The following IGSF5 variants were observed in gnomAD, a reference collection of about 807,000 sequenced individuals.
The protein encoded by IGSF5 is immunoglobulin superfamily 5 like.
IGSF5 carries 41 observed loss-of-function variants against 39.4 expected under a neutral mutation model. The observed-to-expected ratio is 1.04, with a 90% CI of 0.81 to 1.35. The LOEUF is 1.35. IGSF5 is among the 40% of genes most tolerant of loss of function. IGSF5 has a pLI of 0.00. For missense variants in IGSF5, 487 were observed against 494.6 expected (o/e 0.98, Z 0.15); for synonymous variants, 183 against 175.3 (o/e 1.04, Z -0.34).
At position 39,798,129 on chromosome 21, in the gene IGSF5, C is replaced by T. The variant is rs574156508; in HGVS notation, c.1129-3133C>T. Among the ~76,000 whole-genome samples the T allele has an allele frequency of 3.9e-5, 6 of 152,246 alleles. 1 individual carries two copies. In the South Asian group the frequency reaches 1.2e-3, roughly 32 times the overall value. On this transcript the variant is annotated intron_variant, in intron 8 of 8. Coordinates refer to ENST00000380588, the MANE Select transcript of IGSF5 (RefSeq NM_001080444.2). ...CCTCTAGACATCAGGACTCAGAGGG[C>T]TGAGGAGGTGTTTAAGCAGCTCTGC...
the IGSF5 span, among the ~76,000 whole-genome samples, chr21:39,723,045 A>C: frequency 6.6e-6 from 1 of 152,218 alleles, no homozygotes; most frequent in African/African-American, 2.4e-5. Context: ...TATGTAACAA[A>C]TTGCCGCAAA....
At chr21:39,716,167 C>T in the IGSF5 span, among the ~76,000 whole-genome samples, 1 of 152,196 alleles carries the variant, frequency 6.6e-6, no homozygotes, top group Non-Finnish European at 1.5e-5. Context: ...GAGGCATCAT[C>T]CAGCCTGAAA....
the IGSF5 span, among the ~76,000 whole-genome samples, chr21:39,736,616 A>G: frequency 6.6e-6 from 1 of 152,090 alleles, no homozygotes; most frequent in African/African-American, 2.4e-5. Flanking sequence ...CTCTTGCCCC[A>G]GTGTGGCCTC....
At chr21:39,755,099 G>A (rs1482651553) in intron 2 of IGSF5, among the ~76,000 whole-genome samples, 2 of 152,148 alleles carry the variant, frequency 1.3e-5, no homozygotes, top group African/African-American at 4.8e-5. Flanking sequence ...TCGGGGACTA[G>A]AAGTCTTTCC....
intron 5 of IGSF5, among the ~76,000 whole-genome samples, chr21:39,787,058 T>A (rs1028008773): frequency 6.6e-6 from 1 of 152,090 alleles, no homozygotes; most frequent in African/African-American, 2.4e-5. Context: ...TGTATACATA[T>A]GTAACTAACC....
At chr21:39,756,163 C>T (rs1404929146) in intron 2 of IGSF5, among the ~76,000 whole-genome samples, 3 of 152,180 alleles carry the variant, frequency 2.0e-5, no homozygotes, top group Admixed American at 6.5e-5. Flanking sequence ...TTAGTGCACA[C>T]GTTGAATTTT....
At chr21:39,717,225 A>G in the IGSF5 span, among the ~76,000 whole-genome samples, 2 of 152,182 alleles carry the variant, frequency 1.3e-5, no homozygotes, top group African/African-American at 2.4e-5. Flanking sequence ...TAAGTTCCTT[A>G]CAGATGCTGG....
chr21:39,729,327 G>A, the IGSF5 span: 1 of 152,268 alleles, frequency 6.6e-6, no homozygotes, highest in Non-Finnish European at 1.5e-5. Context: ...CCACTGATCA[G>A]AATTTCCACC....
the IGSF5 span, among the ~76,000 whole-genome samples, chr21:39,720,314 A>G: frequency 6.6e-6 from 1 of 152,188 alleles, no homozygotes; most frequent in Non-Finnish European, 1.5e-5. Context: ...TGGAGTGGCT[A>G]TAAATACAGA....
chr21:39,782,229 T>C (rs1179321334), intron 5 of IGSF5, among the ~76,000 whole-genome samples: 2 of 152,168 alleles, frequency 1.3e-5, no homozygotes, highest in Non-Finnish European at 2.9e-5. Context: ...GTTTTAATTA[T>C]AGAAGTTTTA....
At chr21:39,780,400 C>T (rs965495470) in intron 5 of IGSF5, among the ~76,000 whole-genome samples, 3 of 152,118 alleles carry the variant, frequency 2.0e-5, no homozygotes, top group African/African-American at 7.2e-5. Flanking sequence ...CAGTGCCTTT[C>T]TCACCAAAGA....
At chr21:39,770,235 T>C (rs779467107) in intron 3 of IGSF5, among the ~76,000 whole-genome samples, 2 of 151,934 alleles carry the variant, frequency 1.3e-5, no homozygotes, top group Non-Finnish European at 2.9e-5. Flanking sequence ...ATATGGGTTG[T>C]TTGCAGTATG....
At chr21:39,726,796 AC>A in the IGSF5 span, among the ~76,000 whole-genome samples, 2 of 152,184 alleles carry the variant, frequency 1.3e-5, no homozygotes, top group African/African-American at 4.8e-5. Flanking sequence ...AGGAGGAATG[AC>A]ATCTCAAACA....
chr21:39,770,420 C>T (rs1359018321), intron 3 of IGSF5, among the ~76,000 whole-genome samples: 1 of 151,890 alleles, frequency 6.6e-6, no homozygotes, highest in Non-Finnish European at 1.5e-5. Context: ...ACCATATGAC[C>T]CTAGAAATAA....
At chr21:39,748,796 G>C (rs2146269881) in intron 2 of IGSF5, among the ~76,000 whole-genome samples, 1 of 132,174 alleles carries the variant, frequency 7.6e-6, no homozygotes, top group Middle Eastern at 3.5e-3. Context: ...TAATGGAGTG[G>C]TTGTGGTCAA....
chr21:39,753,121 T>TC (rs369600341), intron 2 of IGSF5, among the ~76,000 whole-genome samples: 7,736 of 152,276 alleles, frequency 0.051, 323 homozygotes, highest in East Asian at 0.22. Context: ...TCTTAGAGTT[T>TC]TGGATCATAG....
At chr21:39,785,088 T>G (rs28666823) in intron 5 of IGSF5, among the ~76,000 whole-genome samples, 1 of 152,046 alleles carries the variant, frequency 6.6e-6, no homozygotes, top group African/African-American at 2.4e-5. Context: ...GTGCACAATG[T>G]GCAGGTTTGT....
At chr21:39,774,721 G>A (rs982832072) in intron 4 of IGSF5, among the ~76,000 whole-genome samples, 13 of 152,244 alleles carry the variant, frequency 8.5e-5, no homozygotes, top group Admixed American at 2.0e-4. Context: ...TTGTGTGTAG[G>A]TTGTGAAATG....
At chr21:39,791,849 G>T (rs946275980) in intron 6 of IGSF5, 159 bp from the exon 7 acceptor site, 12 of 588,588 alleles carry the variant, frequency 2.0e-5, no homozygotes, top group African/African-American at 3.7e-5. Flanking sequence ...GTGCATACCT[G>T]CAACGCAGCG....
Sources: gnomAD v4.1 joint callset for allele counts (sites outside exome capture counted in the v4.1 genomes callset) on GRCh38, gnomAD v4.1.1 for gene constraint, MANE v1.5 for transcripts, NCBI Gene and HGNC (gene_info 2026-07-23, HGNC 2026-07-21) for gene names.